The following SPDYA variants were observed in gnomAD, a reference collection of about 807,000 sequenced individuals.
SPDYA encodes speedy protein A.
In SPDYA, 11 loss-of-function variants were observed where a neutral mutation model predicts 36.7. The ratio of observed to expected loss-of-function variants is 0.30; its 90% confidence interval spans 0.19 to 0.50. The LOEUF (loss-of-function observed/expected upper bound fraction) is 0.50. Ranked by LOEUF, SPDYA falls within the 20% of genes least tolerant of loss-of-function variation. The probability of loss-of-function intolerance (pLI) is 0.98; values close to 1 mark genes in which losing one functional copy is unlikely to be tolerated. For synonymous variants in SPDYA, 115 were observed against 118.7 expected, an observed-to-expected ratio of 0.97 and a Z score of 0.20; for missense variants, 287 against 370.9, an observed-to-expected ratio of 0.77 and a Z score of 1.86.
At chr2:28,819,921 G>C (rs1248039864) in intron 4 of SPDYA, among the ~76,000 whole-genome samples, 1 of 128,854 alleles carries the variant, frequency 7.8e-6, no homozygotes, top group African/African-American at 3.1e-5. Context: ...TGAGGCAGGA[G>C]GATTGCTTGA....
chr2:28,819,849 AATATATATATATATATATATATATAT>A (rs200009876), intron 4 of SPDYA, among the ~76,000 whole-genome samples: 322 of 17,770 alleles, frequency 0.018, 21 homozygotes, highest in African/African-American at 0.026. Context: ...AAAAAAAAAA[AATATATATATATATATATATATATAT>A]ATATATATAT....
chr2:28,839,285 C>A (rs181889543), intron 6 of SPDYA, among the ~76,000 whole-genome samples: 1 of 152,284 alleles, frequency 6.6e-6, no homozygotes, highest in Admixed American at 6.5e-5. Context: ...CCTTATAGAA[C>A]AATGCCTGGA....
chr2:28,836,542 T>G (rs1170168645), intron 6 of SPDYA, among the ~76,000 whole-genome samples: 1 of 152,198 alleles, frequency 6.6e-6, no homozygotes, highest in East Asian at 1.9e-4. Flanking sequence ...TCTTTTCTTT[T>G]TTTAATCTTG....
chr2:28,832,472 C>A (rs1208365107), intron 6 of SPDYA, among the ~76,000 whole-genome samples: 1 of 152,198 alleles, frequency 6.6e-6, no homozygotes, highest in African/African-American at 2.4e-5. Context: ...ACTCTCAAGG[C>A]TTTAACACTA....
chr2:28,838,231 GAGT>G (rs1425244802), intron 6 of SPDYA, among the ~76,000 whole-genome samples: 6 of 148,152 alleles, frequency 4.0e-5, no homozygotes, highest in Non-Finnish European at 8.9e-5. Flanking sequence ...ACCCAGGCTG[GAGT>G]GTAATGGCAA....
In SPDYA at chr2:28,838,031, A is replaced by G. The variant is rs74832581; in HGVS notation, c.553-2141A>G. ...TAAAGTAAAAAAGGGGGATGTTTCT[A>G]GTACATCAACTGCTACTAGTGTTTC... On this transcript the variant is annotated intron_variant, in intron 6 of 7. Transcript: ENST00000334056. Among the ~76,000 whole-genome samples, 56 of 152,238 alleles carry G rather than the reference A, an allele frequency of 3.7e-4. No homozygotes were observed. In the East Asian group the frequency reaches 0.01, roughly 28 times the overall value.
At chr2:28,816,291 A>G in intron 3 of SPDYA, 42 bp downstream of exon 3, 1 of 1,346,448 alleles carries the variant, frequency 7.4e-7, no homozygotes, top group Admixed American at 2.3e-5. Context: ...ATAAAGTACT[A>G]AAAACCTAGA....
chr2:28,812,435 C>G (rs1338968171), intron 1 of SPDYA, among the ~76,000 whole-genome samples: 1 of 150,414 alleles, frequency 6.6e-6, no homozygotes, highest in Admixed American at 6.7e-5. Context: ...ATTTCAGATG[C>G]CTCTAGAATT....
chr2:28,839,300 A>C (rs1319560769), intron 6 of SPDYA, among the ~76,000 whole-genome samples: 1 of 152,200 alleles, frequency 6.6e-6, no homozygotes, highest in Non-Finnish European at 1.5e-5. Context: ...CCTGGAAGAT[A>C]GTGAGGCTTT....
chr2:28,819,652 G>T (rs1264378124), intron 4 of SPDYA, among the ~76,000 whole-genome samples: 1 of 150,802 alleles, frequency 6.6e-6, no homozygotes, highest in Non-Finnish European at 1.5e-5. Flanking sequence ...GAATATTATT[G>T]ATTACATTTA....
chr2:28,825,898 C>T (rs563337018), intron 5 of SPDYA, among the ~76,000 whole-genome samples: 34 of 151,736 alleles, frequency 2.2e-4, no homozygotes, highest in African/African-American at 6.3e-4. Flanking sequence ...GCACGACACC[C>T]GGCTAATTTT....
At chr2:28,840,695 C>A in intron 7 of SPDYA, 1 of 1,265,144 alleles carries the variant, frequency 7.9e-7, no homozygotes. Flanking sequence ...AAGTTGAAAA[C>A]TAATGCACCA....
intron 5 of SPDYA, among the ~76,000 whole-genome samples, chr2:28,824,485 A>C (rs536721400): frequency 6.0e-5 from 6 of 100,338 alleles, no homozygotes; most frequent in South Asian, 3.2e-4. Flanking sequence ...GGAGAAAAAA[A>C]AAAAAACAAA....
intron 6 of SPDYA, among the ~76,000 whole-genome samples, chr2:28,838,230 G>A (rs1668661232): frequency 6.8e-6 from 1 of 148,074 alleles, no homozygotes; most frequent in Admixed American, 6.8e-5. Context: ...CACCCAGGCT[G>A]GAGTGTAATG....
intron 3 of SPDYA, among the ~76,000 whole-genome samples, chr2:28,818,777 C>T (rs1668057985): frequency 6.6e-6 from 1 of 152,152 alleles, no homozygotes; most frequent in Admixed American, 6.5e-5. Context: ...GTTGGATATT[C>T]AGTAAACCAA....
At chr2:28,823,744 T>TAA (rs1477965281) in intron 5 of SPDYA, among the ~76,000 whole-genome samples, 1 of 85,414 alleles carries the variant, frequency 1.2e-5, no homozygotes, top group African/African-American at 4.0e-5. Flanking sequence ...TATATATATA[T>TAA]AAAATTTTTT....
chr2:28,846,463 T>G (rs1668878266), intron 7 of SPDYA, among the ~76,000 whole-genome samples: 1 of 152,004 alleles, frequency 6.6e-6, no homozygotes, highest in Admixed American at 6.6e-5. Flanking sequence ...CAGGAAAGTT[T>G]TAGTGACTAT....
intron 1 of SPDYA, among the ~76,000 whole-genome samples, chr2:28,812,924 T>C (rs1027032350): frequency 6.6e-6 from 1 of 152,002 alleles, no homozygotes; most frequent in African/African-American, 2.4e-5. Context: ...TACTTCTCCT[T>C]CTTTCCCTAT....
At chr2:28,822,754 C>T (rs1463957449) in intron 5 of SPDYA, among the ~76,000 whole-genome samples, 3 of 152,186 alleles carry the variant, frequency 2.0e-5, no homozygotes, top group Non-Finnish European at 2.9e-5. Context: ...ATTACAGCCA[C>T]GTGCCACCAC....
Sources: allele counts gnomAD v4.1 joint callset (sites outside exome capture counted in the v4.1 genomes callset), GRCh38; gene constraint gnomAD v4.1.1; transcripts MANE v1.5; gene names NCBI Gene and HGNC (gene_info 2026-07-23, HGNC 2026-07-21).